Variants in ROS1 observed in about 807,000 individuals in gnomAD.
ROS1 encodes proto-oncogene tyrosine-protein kinase ROS.
ROS1 carries 263 observed loss-of-function variants against 273.5 expected under a neutral mutation model. The ratio of observed to expected loss-of-function variants is 0.96; its 90% CI spans 0.87 to 1.06. The LOEUF (loss-of-function observed/expected upper bound fraction) is 1.06. Ranked by LOEUF, ROS1 falls within the 50% of genes least tolerant of loss-of-function variation. The pLI is 0.00. For missense variants in ROS1, 2,833 were observed against 2,751.1 expected, an observed-to-expected ratio of 1.03 and a Z score of -0.67; for synonymous variants, 1,008 against 954.1, an observed-to-expected ratio of 1.06 and a Z score of -1.04.
chr6:117,381,530 G>A (rs2128689461), intron 17 of ROS1, among the ~76,000 whole-genome samples: 1 of 152,076 alleles, frequency 6.6e-6, no homozygotes. Flanking sequence ...TTAGAATAAT[G>A]GCCTCCAGCT....
chr6:117,320,168 G>A (rs1562268060), intron 36 of ROS1, 138 bp from the exon 37 acceptor site: 2 of 718,968 alleles, frequency 2.8e-6, no homozygotes, highest in Admixed American at 2.9e-5. Flanking sequence ...TATGTGACAC[G>A]GTGATGTGGA....
rs1777913249 is a variant in ROS1 at position 117,341,441 on chromosome 6, G to C, written c.4843C>G (p.Leu1615Val). 2 of 1,613,868 alleles carry C rather than the reference G, an allele frequency of 1.2e-6. No homozygotes were observed. The highest frequency in any genetic ancestry group is 1.7e-6 in the Non-Finnish European group (2 of 1,179,792). The change falls in exon 30 of 44, where the codon CTT (leucine) becomes GTT (valine). Residue 1615 changes from leucine to valine, a missense_variant. By Grantham distance (32) the Leu-to-Val change is conservative. Coordinates refer to ENST00000368507, the MANE Select transcript of ROS1 (RefSeq NM_001378902.1). ...TTTCCACCAGACAGTCTAGTAACAA[G>C]GAGAGTGAGCCTTCCATTTGGAAAT... ...SEFPNGRLTL[L>V]VTRLSGGNIY...
intron 43 of ROS1, among the ~76,000 whole-genome samples, chr6:117,289,292 T>C (rs1773657343): frequency 6.6e-6 from 1 of 152,256 alleles, no homozygotes; most frequent in South Asian, 2.1e-4. Context: ...TAATGTAATA[T>C]TTACTGATGA....
intron 28 of ROS1, among the ~76,000 whole-genome samples, chr6:117,343,695 CCAGTTCATTT>C (rs1213385024): frequency 1.3e-5 from 2 of 152,154 alleles, no homozygotes; most frequent in African/African-American, 4.8e-5. Flanking sequence ...TTCTTTCCGT[CCAGTTCATTT>C]CTTACTCTTC....
chr6:117,358,866 C>T (rs1779548662), intron 24 of ROS1, among the ~76,000 whole-genome samples: 1 of 152,146 alleles, frequency 6.6e-6, no homozygotes, highest in Admixed American at 6.5e-5. Context: ...CTGTGACAGC[C>T]TCCTAATTGT....
At chr6:117,390,837 G>A (rs577223846) in intron 12 of ROS1, among the ~76,000 whole-genome samples, 9 of 152,214 alleles carry the variant, frequency 5.9e-5, no homozygotes, top group Admixed American at 3.9e-4. Flanking sequence ...TCACAGTAAC[G>A]AGGCAGGTTA....
intron 9 of ROS1, 91 bp from the exon 10 acceptor site, chr6:117,394,829 G>A: frequency 8.6e-7 from 1 of 1,158,598 alleles, no homozygotes; most frequent in East Asian, 2.5e-5. Flanking sequence ...TTCAAAGCAA[G>A]GGGACTAGTG....
At chr6:117,374,108 A>G (rs1236093028) in intron 18 of ROS1, among the ~76,000 whole-genome samples, 1 of 152,252 alleles carries the variant, frequency 6.6e-6, no homozygotes, top group African/African-American at 2.4e-5. Flanking sequence ...TTGAAATACC[A>G]GCATCATTCT....
Position 117,353,050 on chromosome 6 carries a change from C to T in ROS1, c.4243G>A (p.Val1415Met), listed in dbSNP as rs2128637922. ...KKGNGAIVSQ[V>M]KALRSRHILA... ...ATATGCCTACTCCTTAGGGCCTTCA[C>T]CTGGGAAACGATGGCCCCATTTCCT... Residue 1415 changes from valine (V) to methionine (M), a missense_variant, in exon 27 of 44, where the codon GTG becomes ATG. Transcript: ENST00000368507. 6.2e-7 allele frequency: 1 copy of T among 1,614,134 alleles called. No individual in the cohort carries two copies. Among genetic ancestry groups the T allele is most frequent in the Non-Finnish European group, 8.5e-7 (1 of 1,180,000 alleles).
intron 26 of ROS1, among the ~76,000 whole-genome samples, chr6:117,354,352 C>CAA (rs111253368): frequency 7.5e-6 from 1 of 132,506 alleles, no homozygotes. Flanking sequence ...GACCCTGTCT[C>CAA]AAAAAAAAAA....
chr6:117,345,092 A>G lies in ROS1; in HGVS notation c.4304-830T>C, dbSNP rs77947088. ...CTAACAATCTTACACCAGTTAGCCA[A>G]CTCTTTAACTCATTGTGCGTGGCAC... On this transcript the variant is annotated intron_variant, in intron 27 of 43. Transcript: ENST00000368507. Among the ~76,000 whole-genome samples, 23 of 152,156 alleles carry G rather than the reference A, an allele frequency of 1.5e-4. No individual in the cohort carries two copies. The East Asian group carries it at 4.4e-3, about 29-fold the overall frequency.
intron 39 of ROS1, among the ~76,000 whole-genome samples, chr6:117,311,433 G>C (rs1027016779): frequency 6.6e-6 from 1 of 152,096 alleles, no homozygotes; most frequent in African/African-American, 2.4e-5. Context: ...CTTACTAGTT[G>C]TGTGAACTTG....
chr6:117,406,655 G>T (rs1178275477), intron 5 of ROS1, among the ~76,000 whole-genome samples: 3 of 152,124 alleles, frequency 2.0e-5, no homozygotes, highest in Non-Finnish European at 4.4e-5. Flanking sequence ...TAGTTTCTCA[G>T]AAATTTTTTT....
At chr6:117,357,589 T>A (rs1779427817) in intron 25 of ROS1, among the ~76,000 whole-genome samples, 1 of 151,750 alleles carries the variant, frequency 6.6e-6, no homozygotes, top group Non-Finnish European at 1.5e-5. Flanking sequence ...TTAGCCTAAC[T>A]TTGTTAGTCA....
chr6:117,361,383 G>A (rs1369087051), intron 22 of ROS1, among the ~76,000 whole-genome samples: 4 of 149,848 alleles, frequency 2.7e-5, no homozygotes, highest in Non-Finnish European at 5.9e-5. Context: ...ATATTTTACT[G>A]TATTTTATAT....
In ROS1 at chr6:117,288,760, A is replaced by G; in HGVS notation, c.6758T>C (p.Met2253Thr). Reference sequence around the variant, plus strand: ...CTTCGTTTCCATTAAAGCAACTGGCATAATGTCATCTGAATTCAAACAAAT... The same window carrying G: ...CTTCGTTTCCATTAAAGCAACTGGCGTAATGTCATCTGAATTCAAACAAAT... Reference protein sequence around the residue: ...DVICLNSDDIMPVALMETKNR... With the variant: ...DVICLNSDDITPVALMETKNR... The change falls in exon 44 of 44, where the codon ATG (methionine) becomes ACG (threonine). Residue 2253 changes from methionine to threonine, a missense_variant. Met to Thr is a moderately conservative substitution (Grantham distance 81). Transcript: ENST00000368507. The G allele has an allele frequency of 6.2e-7, 1 of 1,611,724 alleles. No homozygotes were observed. The highest frequency in any genetic ancestry group is 2.2e-5 in the East Asian group (1 of 44,870).
intron 17 of ROS1, among the ~76,000 whole-genome samples, chr6:117,381,282 A>T (rs1203888526): frequency 6.6e-6 from 1 of 151,248 alleles, no homozygotes; most frequent in African/African-American, 2.4e-5. Context: ...TTTTGGTCAC[A>T]TGGATGAATT....
At chr6:117,291,961 T>A (rs1773865037) in intron 43 of ROS1, among the ~76,000 whole-genome samples, 1 of 151,984 alleles carries the variant, frequency 6.6e-6, no homozygotes, top group Admixed American at 6.6e-5. Context: ...GTGACATTTT[T>A]TTTTTCTTTT....
At chr6:117,343,558 T>G (rs1778120949) in intron 28 of ROS1, among the ~76,000 whole-genome samples, 1 of 152,206 alleles carries the variant, frequency 6.6e-6, no homozygotes, top group Admixed American at 6.5e-5. Flanking sequence ...GTGCTAGGCA[T>G]ACAATGATGA....
Sources: gnomAD v4.1 joint callset for allele counts (sites outside exome capture counted in the v4.1 genomes callset) on GRCh38, gnomAD v4.1.1 for gene constraint, MANE v1.5 for transcripts, NCBI Gene and HGNC (gene_info 2026-07-23, HGNC 2026-07-21) for gene names.